NISCH: variants seen among roughly 807,000 people sequenced by gnomAD.
NISCH encodes nischarin, also known as I-1 receptor candidate protein.
Under a neutral mutation model 138.4 loss-of-function variants are expected in NISCH, and 55 were observed. That is an observed-to-expected ratio of 0.40 (90% CI 0.32 to 0.50). NISCH has a LOEUF of 0.50. NISCH is among the 20% of genes least tolerant of loss of function. The pLI, the probability that NISCH is intolerant of heterozygous loss-of-function variation, is 0.71. For missense variants in NISCH, 1,643 were observed against 2,005.5 expected, an observed-to-expected ratio of 0.82 and a Z score of 3.45; for synonymous variants, 860 against 861.5, an observed-to-expected ratio of 1.00 and a Z score of 0.03.
At chr3:52,486,282 A>AT (rs1559640861) in intron 15 of NISCH, among the ~76,000 whole-genome samples, 1 of 151,980 alleles carries the variant, frequency 6.6e-6, no homozygotes, top group African/African-American at 2.4e-5. Context: ...CGCCCAACTA[A>AT]TTTTTTATAT....
rs1706851575 is a variant in NISCH, at chr3:52,468,563, T to C, written c.361-2296T>C. Among the ~76,000 whole-genome samples, 5 of 152,168 alleles carry C rather than the reference T, an allele frequency of 3.3e-5. No individual in the cohort carries two copies. In the South Asian group the frequency reaches 1.0e-3, roughly 31 times the overall value. On this transcript the variant is annotated intron_variant, in intron 3 of 20. Coordinates refer to ENST00000345716, the MANE Select transcript of NISCH (RefSeq NM_007184.4). The stretch of plus-strand genomic sequence containing the variant: ...GAAAATGTCATTTAGCTTATGTGGT[T>C]GCAAGAGACTGAAGTTGAACTTCAG...
rs753377772 is a variant in NISCH at position 52,487,697 on chromosome 3, C to T, written c.2205C>T (p.Gly735=). ...FAACLVLTDF[G]IAVFEIPHQE... is the part of the protein sequence containing the mutation. ...CCTGCCTTGTGCTCACCGACTTCGG[C>T]ATCGCAGTCTTCGAGATCCCGCACC... The change falls in exon 16 of 21, where the codon GGC becomes GGT. Residue 735 remains glycine (G), a synonymous_variant. Coordinates refer to ENST00000345716, the MANE Select transcript of NISCH (RefSeq NM_007184.4). The surrounding 1 kb of genome is among the most constrained non-coding windows in gnomAD (Gnocchi z 9.1). 2 of 1,613,626 alleles carry T rather than the reference C, an allele frequency of 1.2e-6. No individual in the cohort carries two copies. The highest frequency in any genetic ancestry group is 4.5e-5 in the East Asian group (2 of 44,886).
At chr3:52,456,963 G>A (rs1379351281) in intron 1 of NISCH, among the ~76,000 whole-genome samples, 1 of 152,244 alleles carries the variant, frequency 6.6e-6, no homozygotes, top group Non-Finnish European at 1.5e-5. Flanking sequence ...CTGCATGTAT[G>A]TCGGGGGAGG....
At chr3:52,491,302 A>G (rs1476383785) in intron 19 of NISCH, 50 bp from the exon 20 acceptor site, 2 of 1,571,078 alleles carry the variant, frequency 1.3e-6, no homozygotes, top group Admixed American at 1.7e-5. Context: ...GGGCAGGGAT[A>G]GGGCTGGGGA....
chr3:52,467,834 A>G (rs1706831547), intron 3 of NISCH, among the ~76,000 whole-genome samples: 1 of 152,198 alleles, frequency 6.6e-6, no homozygotes, highest in Admixed American at 6.5e-5. Flanking sequence ...TGTGTTGCCC[A>G]GGCTCGACTC....
chr3:52,488,739 C>T (rs572662813), intron 16 of NISCH, 134 bp downstream of exon 16: 13 of 728,278 alleles, frequency 1.8e-5, no homozygotes, highest in East Asian at 8.1e-5. Flanking sequence ...CCTCGCCCCC[C>T]CCGGGCCTCC....
At chr3:52,463,426 T>C (rs1578277583) in intron 3 of NISCH, among the ~76,000 whole-genome samples, 1 of 152,260 alleles carries the variant, frequency 6.6e-6, no homozygotes, top group African/African-American at 2.4e-5. Flanking sequence ...TGTATGTTAA[T>C]TTTTGTGTGA....
intron 3 of NISCH, among the ~76,000 whole-genome samples, chr3:52,461,862 CAA>C (rs570499799): frequency 3.7e-4 from 21 of 56,350 alleles, no homozygotes; most frequent in African/African-American, 4.2e-4. Flanking sequence ...GACTCCGTCA[CAA>C]AAAAAAAAAA....
intron 17 of NISCH, 40 bp downstream of exon 17, chr3:52,489,718 G>A: frequency 6.3e-7 from 1 of 1,587,126 alleles, no homozygotes; most frequent in Middle Eastern, 1.7e-4. Flanking sequence ...GGCACGGCCA[G>A]TCCTGAGGGC....
At chr3:52,456,413 A>G (rs1194492394) in intron 1 of NISCH, among the ~76,000 whole-genome samples, 1 of 152,150 alleles carries the variant, frequency 6.6e-6, no homozygotes, top group African/African-American at 2.4e-5. Flanking sequence ...AGATGGGGCA[A>G]CAAGCTGCCC....
intron 3 of NISCH, among the ~76,000 whole-genome samples, chr3:52,460,126 A>G (rs1706590031): frequency 7.7e-6 from 1 of 130,394 alleles, no homozygotes; most frequent in Non-Finnish European, 1.6e-5. Flanking sequence ...GGTTGCAGTA[A>G]GTCGAGATCA....
rs1482531699 is a variant in NISCH, at chr3:52,455,737, G to C, written c.93+3G>C. ...CGGAGCTTGTGGACACTTATACGGTGTGTTGGGGGCGCGGGCACCCGAAGC... is the reference window on the plus strand; with the variant it reads ...CGGAGCTTGTGGACACTTATACGGTCTGTTGGGGGCGCGGGCACCCGAAGC... On this transcript the variant is annotated splice_donor_region_variant and intron_variant, in intron 1 of 20. Coordinates refer to ENST00000345716, the MANE Select transcript of NISCH (RefSeq NM_007184.4). 7.4e-7 allele frequency: 1 copy of C among 1,355,920 alleles called. No individual in the cohort carries two copies. Among genetic ancestry groups the C allele is most frequent in the African/African-American group, 1.5e-5 (1 of 66,554 alleles). 84.0% of individuals were successfully genotyped at this position (1,355,920 alleles called of 1,614,324 possible).
At chr3:52,456,607 G>A (rs113407734) in intron 1 of NISCH, among the ~76,000 whole-genome samples, 16 of 152,358 alleles carry the variant, frequency 1.1e-4, no homozygotes, top group African/African-American at 3.4e-4. Context: ...GTGGGTGGGG[G>A]CCTTGGGCCT....
chr3:52,462,936 A>G (rs1267670150), intron 3 of NISCH, among the ~76,000 whole-genome samples: 1 of 151,998 alleles, frequency 6.6e-6, no homozygotes, highest in African/African-American at 2.4e-5. Flanking sequence ...ACGCCTGGCC[A>G]TGGTGTGGAT....
intron 3 of NISCH, among the ~76,000 whole-genome samples, chr3:52,465,945 T>C (rs765252231): frequency 3.9e-5 from 6 of 152,240 alleles, no homozygotes; most frequent in Non-Finnish European, 8.8e-5. Flanking sequence ...AATTCATTTC[T>C]CTTGAAAGGT....
intron 3 of NISCH, among the ~76,000 whole-genome samples, chr3:52,461,150 G>A (rs1706621453): frequency 6.6e-6 from 1 of 152,216 alleles, no homozygotes; most frequent in African/African-American, 2.4e-5. Flanking sequence ...AGGCATGAGA[G>A]TCGCTTGAAC....
intron 3 of NISCH, among the ~76,000 whole-genome samples, chr3:52,469,876 C>G (rs1161717437): frequency 1.3e-5 from 2 of 151,196 alleles, no homozygotes; most frequent in African/African-American, 4.9e-5. Context: ...GATTACACCA[C>G]TGCACTCTAG....
At chr3:52,476,886 T>G (rs1420572047) in intron 8 of NISCH, among the ~76,000 whole-genome samples, 2 of 151,688 alleles carry the variant, frequency 1.3e-5, no homozygotes, top group East Asian at 1.9e-4. Flanking sequence ...ATACAAAAAT[T>G]AGCTGGGTGT....
chr3:52,457,768 G>A lies in NISCH; in HGVS notation c.94-75G>A, dbSNP rs1441986421. ...AAGATAATTGGGAAAGATAATTGCAGCTTTTGCTGCTGGGGGAGGAGACTC... is the reference window on the plus strand; with the variant it reads ...AAGATAATTGGGAAAGATAATTGCAACTTTTGCTGCTGGGGGAGGAGACTC... On this transcript the variant is annotated intron_variant, in intron 1 of 20. Transcript: ENST00000345716. 8 of 1,036,254 alleles carry A rather than the reference G, an allele frequency of 7.7e-6. No homozygotes were observed. In the Admixed American group the frequency reaches 1.4e-4, roughly 18 times the overall value. The allele number at this position is 1,036,254 out of a possible 1,614,324, so 64.2% of individuals were successfully genotyped here.
Sources: allele counts gnomAD v4.1 joint callset (sites outside exome capture counted in the v4.1 genomes callset), GRCh38; gene constraint gnomAD v4.1.1; non-coding constraint Gnocchi (gnomAD v3.1); transcripts MANE v1.5; gene names NCBI Gene and HGNC (gene_info 2026-07-23, HGNC 2026-07-21).